The following SRPK2 variants were observed in gnomAD, a reference collection of about 807,000 sequenced individuals.
SRPK2 encodes the protein SFRS protein kinase 2.
Under a neutral mutation model 90.8 loss-of-function variants are expected in SRPK2, and 21 were observed. The ratio of observed to expected loss-of-function variants is 0.23; its 90% CI spans 0.16 to 0.33. The LOEUF is 0.33. Ranked by LOEUF, SRPK2 falls within the 10% of genes least tolerant of loss-of-function variation. The pLI is 1.00. For synonymous variants in SRPK2, 288 were observed against 311.1 expected, an observed-to-expected ratio of 0.93 and a Z score of 0.78; for missense variants, 620 against 869.0, an observed-to-expected ratio of 0.71 and a Z score of 3.60.
intron 2 of SRPK2, among the ~76,000 whole-genome samples, chr7:105,354,037 T>C (rs2132113030): frequency 6.6e-6 from 1 of 152,336 alleles, no homozygotes; most frequent in Admixed American, 6.5e-5. Context: ...TTCCAGGACC[T>C]TCCTCTTTGC....
At chr7:105,359,862 G>C (rs1198088702) in intron 2 of SRPK2, among the ~76,000 whole-genome samples, 1 of 152,166 alleles carries the variant, frequency 6.6e-6, no homozygotes, top group African/African-American at 2.4e-5. Flanking sequence ...CCGTTGATTT[G>C]GGGTGGAGAA....
At chr7:105,340,486 T>C (rs1815635663) in intron 2 of SRPK2, among the ~76,000 whole-genome samples, 1 of 150,526 alleles carries the variant, frequency 6.6e-6, no homozygotes, top group Admixed American at 6.7e-5. Flanking sequence ...TCAACACAGC[T>C]TCTATCTCCC....
chr7:105,212,986 A>G (rs1253921729), intron 2 of SRPK2, among the ~76,000 whole-genome samples: 1 of 152,224 alleles, frequency 6.6e-6, no homozygotes, highest in Non-Finnish European at 1.5e-5. Flanking sequence ...GAATCTAGAC[A>G]TAACTGAAAG....
chr7:105,278,433 G>A (rs1174530666), intron 2 of SRPK2, among the ~76,000 whole-genome samples: 1 of 151,800 alleles, frequency 6.6e-6, no homozygotes, highest in African/African-American at 2.4e-5. Flanking sequence ...CAGCACTTTG[G>A]GAGGCCAAGG....
chr7:105,245,073 A>ACACC, intron 2 of SRPK2: 3 of 592,732 alleles, frequency 5.1e-6, no homozygotes, highest in Admixed American at 5.5e-5. Context: ...ACACACACAC[A>ACACC]CCTCTTTTTC....
chr7:105,137,129 T>C (rs552567468), intron 11 of SRPK2, among the ~76,000 whole-genome samples: 13 of 152,196 alleles, frequency 8.5e-5, no homozygotes, highest in South Asian at 2.1e-4. Flanking sequence ...TAAGAGAAGT[T>C]TGAGGCAAAG....
chr7:105,343,821 G>T (rs1816119574), intron 2 of SRPK2, among the ~76,000 whole-genome samples: 1 of 152,032 alleles, frequency 6.6e-6, no homozygotes, highest in Admixed American at 6.6e-5. Flanking sequence ...GGAGTGCAAT[G>T]GTGCCATCTT....
chr7:105,142,498 A>G lies in SRPK2; in HGVS notation c.1061-8T>C. 6.3e-7 allele frequency: 1 copy of G among 1,597,730 alleles called. No homozygotes were observed. ...CCTGGTCCTCAGCTTCACCTTAAGA[A>G]TTTGATGGGTCAAGAATTAGAACTT... On this transcript the variant is annotated splice_polypyrimidine_tract_variant and splice_region_variant and intron_variant, in intron 10 of 15. Transcript: ENST00000393651.
At chr7:105,222,107 A>C (rs1289479915) in intron 2 of SRPK2, among the ~76,000 whole-genome samples, 1 of 152,186 alleles carries the variant, frequency 6.6e-6, no homozygotes, top group Non-Finnish European at 1.5e-5. Context: ...ACTGTGAAAA[A>C]CATCTTTAAT....
At chr7:105,296,213 TAA>T (rs1167475883) in intron 2 of SRPK2, among the ~76,000 whole-genome samples, 2 of 152,240 alleles carry the variant, frequency 1.3e-5, no homozygotes, top group Non-Finnish European at 2.9e-5. Context: ...AGCTTTGTGC[TAA>T]GAGTACTTTT....
intron 3 of SRPK2, among the ~76,000 whole-genome samples, chr7:105,195,831 T>C (rs1197241526): frequency 6.6e-6 from 1 of 152,238 alleles, no homozygotes; most frequent in Non-Finnish European, 1.5e-5. Context: ...AGTCTATTCA[T>C]TCAGTCACTA....
intron 2 of SRPK2, among the ~76,000 whole-genome samples, chr7:105,366,630 A>T (rs975619776): frequency 6.6e-6 from 1 of 152,134 alleles, no homozygotes; most frequent in Admixed American, 6.6e-5. Flanking sequence ...CAGCCTCCCA[A>T]AGTGCTGGGA....
intron 15 of SRPK2, among the ~76,000 whole-genome samples, chr7:105,118,597 G>GA (rs1167660142): frequency 6.6e-6 from 1 of 151,620 alleles, no homozygotes; most frequent in African/African-American, 2.4e-5. Context: ...TTTCATAAGA[G>GA]AAAAAAAAGG....
chr7:105,388,579 C>T (rs1331698119), intron 2 of SRPK2, 69 bp downstream of exon 2: 6 of 1,458,940 alleles, frequency 4.1e-6, no homozygotes, highest in African/African-American at 1.5e-5. Flanking sequence ...ACAACTTTCC[C>T]CTGCGCGGCC....
chr7:105,335,539 T>C (rs1476657457), intron 2 of SRPK2, among the ~76,000 whole-genome samples: 1 of 151,566 alleles, frequency 6.6e-6, no homozygotes, highest in African/African-American at 2.4e-5. Context: ...TGTCTCTAGT[T>C]CCAACTACTG....
At chr7:105,178,598 C>G (rs1188195030) in intron 3 of SRPK2, among the ~76,000 whole-genome samples, 1 of 152,008 alleles carries the variant, frequency 6.6e-6, no homozygotes, top group African/African-American at 2.4e-5. Flanking sequence ...GCAGGAGGAT[C>G]ACTTGAAGCC....
chr7:105,335,031 T>C (rs1814926083), intron 2 of SRPK2, among the ~76,000 whole-genome samples: 2 of 151,342 alleles, frequency 1.3e-5, no homozygotes, highest in South Asian at 4.2e-4. Context: ...ATTAGCCAGG[T>C]GTGGTGGCAC....
chr7:105,294,626 G>A (rs530664547), intron 2 of SRPK2, among the ~76,000 whole-genome samples: 3 of 152,012 alleles, frequency 2.0e-5, no homozygotes, highest in African/African-American at 7.2e-5. Context: ...TCCCAGGTTC[G>A]AGCAATTCTC....
intron 8 of SRPK2, among the ~76,000 whole-genome samples, chr7:105,145,714 A>T (rs1804514307): frequency 6.6e-6 from 1 of 152,218 alleles, no homozygotes; most frequent in South Asian, 2.1e-4. Context: ...CTATTTTGCA[A>T]GCTTTCTATA....
Sources: allele counts gnomAD v4.1 joint callset (sites outside exome capture counted in the v4.1 genomes callset), GRCh38; gene constraint gnomAD v4.1.1; transcripts MANE v1.5; gene names NCBI Gene and HGNC (gene_info 2026-07-23, HGNC 2026-07-21).